Variants in GABRB1 observed in about 807,000 individuals in gnomAD.
GABRB1 encodes the protein gamma-aminobutyric acid receptor subunit beta-1.
Under a neutral mutation model 51.6 loss-of-function variants are expected in GABRB1, and 17 were observed. That is an observed-to-expected ratio of 0.33 (90% confidence interval 0.23 to 0.49). GABRB1 has a LOEUF of 0.49. GABRB1 is among the 20% of genes least tolerant of loss of function. GABRB1 has a pLI of 0.99. For synonymous variants in GABRB1, 247 were observed against 218.9 expected (o/e 1.13, Z -1.14); for missense variants, 410 against 600.6 (o/e 0.68, Z 3.32).
chr4:47,276,453 G>T (rs958195140), intron 4 of GABRB1, among the ~76,000 whole-genome samples: 25 of 152,048 alleles, frequency 1.6e-4, no homozygotes, highest in African/African-American at 6.0e-4. Flanking sequence ...TAACCTTGAA[G>T]CCTCTCCATC....
intron 1 of GABRB1, among the ~76,000 whole-genome samples, chr4:47,008,879 T>TTTTTTTTTTTTTTTTG (rs1333627915): frequency 8.0e-6 from 1 of 124,672 alleles, no homozygotes; most frequent in Non-Finnish European, 1.7e-5. Context: ...TTTTTTTTTT[T>TTTTTTTTTTTTTTTTG]TTTGAGACGA....
At position 47,088,725 on chromosome 4, in the gene GABRB1, G is replaced by A. The variant is rs149533282; in HGVS notation, c.240+56241G>A. On this transcript the variant is annotated intron_variant, in intron 3 of 8. Coordinates refer to ENST00000295454, the MANE Select transcript of GABRB1 (RefSeq NM_000812.4). ...ATTTAACAAATCATATATCATCCCC[G>A]TTACTACCAGCTGATATTCTCTTCC... 2.4e-3 allele frequency among the ~76,000 whole-genome samples: 358 copies of A among 152,178 alleles called. 1 individual carries two copies. Among genetic ancestry groups the A allele is most frequent in the African/African-American group, 8.3e-3 (345 of 41,532 alleles).
intron 7 of GABRB1, among the ~76,000 whole-genome samples, chr4:47,404,177 A>T (rs1002442737): frequency 6.6e-6 from 1 of 152,222 alleles, no homozygotes; most frequent in East Asian, 1.9e-4. Flanking sequence ...GTATCAAGCC[A>T]CGTCTCCTTT....
chr4:47,131,553 C>T (rs890262442), intron 3 of GABRB1, among the ~76,000 whole-genome samples: 3 of 152,014 alleles, frequency 2.0e-5, no homozygotes, highest in African/African-American at 7.2e-5. Flanking sequence ...AAATAATGGC[C>T]AAAACTGCAA....
chr4:47,306,765 C>G (rs928197572), intron 4 of GABRB1, among the ~76,000 whole-genome samples: 1 of 152,050 alleles, frequency 6.6e-6, no homozygotes, highest in African/African-American at 2.4e-5. Flanking sequence ...GTTTTCCACA[C>G]AACACTATGT....
At chr4:47,081,935 T>C (rs1448450258) in intron 3 of GABRB1, among the ~76,000 whole-genome samples, 1 of 152,100 alleles carries the variant, frequency 6.6e-6, no homozygotes, top group African/African-American at 2.4e-5. Flanking sequence ...TTTTCTTTCA[T>C]AAAACAGAGA....
rs144813006 is a variant in GABRB1 at position 47,099,227 on chromosome 4, A to G, written c.241-62022A>G. On this transcript the variant is annotated intron_variant, in intron 3 of 8. Coordinates refer to ENST00000295454, the MANE Select transcript of GABRB1 (RefSeq NM_000812.4). ...CAAGGGCATACATACCCACATCAAG[A>G]CGGCAAAGAGTCACTGTATCAGCTG... 4.4e-3 allele frequency among the ~76,000 whole-genome samples: 667 copies of G among 152,214 alleles called. 6 individuals carry two copies. The highest frequency in any genetic ancestry group is 0.015 in the African/African-American group (633 of 41,550).
intron 4 of GABRB1, among the ~76,000 whole-genome samples, chr4:47,183,654 A>T (rs1356227148): frequency 6.6e-6 from 1 of 151,666 alleles, no homozygotes; most frequent in Non-Finnish European, 1.5e-5. Context: ...TAATTCCAAG[A>T]TATTAAATTA....
At chr4:47,117,152 T>A (rs555584749) in intron 3 of GABRB1, among the ~76,000 whole-genome samples, 1 of 152,294 alleles carries the variant, frequency 6.6e-6, no homozygotes, top group South Asian at 2.1e-4. Flanking sequence ...AACTACCACT[T>A]TTATGTATAA....
intron 5 of GABRB1, among the ~76,000 whole-genome samples, chr4:47,368,294 G>A (rs1727059969): frequency 6.6e-6 from 1 of 152,130 alleles, no homozygotes; most frequent in Admixed American, 6.5e-5. Context: ...TCCCTAGTTG[G>A]TATTATCTAC....
intron 4 of GABRB1, among the ~76,000 whole-genome samples, chr4:47,292,496 T>G (rs1234127092): frequency 6.6e-6 from 1 of 152,246 alleles, no homozygotes; most frequent in African/African-American, 2.4e-5. Flanking sequence ...CCTTGAGGGC[T>G]CTAATAAATG....
intron 4 of GABRB1, among the ~76,000 whole-genome samples, chr4:47,234,504 C>T (rs1476320431): frequency 1.3e-5 from 2 of 151,330 alleles, no homozygotes; most frequent in African/African-American, 4.9e-5. Flanking sequence ...AAAAAAATTG[C>T]TACACTTCCC....
intron 8 of GABRB1, among the ~76,000 whole-genome samples, chr4:47,424,632 T>C (rs114111953): frequency 0.027 from 4,077 of 152,336 alleles, 66 homozygotes; most frequent in Non-Finnish European, 0.04. Flanking sequence ...GACTCCTTAC[T>C]GTAAGTCAGG....
At chr4:47,288,186 T>C (rs923146659) in intron 4 of GABRB1, among the ~76,000 whole-genome samples, 3 of 152,216 alleles carry the variant, frequency 2.0e-5, no homozygotes, top group African/African-American at 4.8e-5. Flanking sequence ...TGGTGTAGTA[T>C]GTCTGCACCA....
chr4:47,355,883 T>C (rs1726548398), intron 5 of GABRB1, among the ~76,000 whole-genome samples: 1 of 152,204 alleles, frequency 6.6e-6, no homozygotes, highest in Admixed American at 6.5e-5. Context: ...TCTACAACTT[T>C]CTAGATATAT....
At chr4:47,213,445 T>TCTCTCTCA (rs1720441338) in intron 4 of GABRB1, among the ~76,000 whole-genome samples, 1 of 151,848 alleles carries the variant, frequency 6.6e-6, no homozygotes, top group Admixed American at 6.6e-5. Context: ...TCACTCTCTC[T>TCTCTCTCA]CTCTCTCACT....
intron 3 of GABRB1, among the ~76,000 whole-genome samples, chr4:47,160,721 T>C (rs189821874): frequency 1.1e-4 from 17 of 151,888 alleles, no homozygotes; most frequent in Non-Finnish European, 1.5e-5. Context: ...GAAATGTTTA[T>C]ATATACTTTC....
chr4:47,069,684 A>G (rs1275214301), intron 3 of GABRB1, among the ~76,000 whole-genome samples: 3 of 152,168 alleles, frequency 2.0e-5, no homozygotes, highest in African/African-American at 7.2e-5. Context: ...ATTCCTGTCC[A>G]TCAAAATCCT....
At chr4:47,194,799 CAT>C (rs1441702117) in intron 4 of GABRB1, among the ~76,000 whole-genome samples, 1 of 152,134 alleles carries the variant, frequency 6.6e-6, no homozygotes, top group Non-Finnish European at 1.5e-5. Flanking sequence ...CTTAAAAAAA[CAT>C]AGTGTACTTA....
Sources: allele counts gnomAD v4.1 joint callset (sites outside exome capture counted in the v4.1 genomes callset), GRCh38; gene constraint gnomAD v4.1.1; transcripts MANE v1.5; gene names NCBI Gene and HGNC (gene_info 2026-07-23, HGNC 2026-07-21).